FBXO4: variants seen among roughly 807,000 people sequenced by gnomAD.
FBXO4 encodes F-box protein 4.
Under a neutral mutation model 43.7 loss-of-function variants are expected in FBXO4, and 36 were observed. That is an observed-to-expected ratio of 0.82 (90% CI 0.63 to 1.09). The LOEUF (loss-of-function observed/expected upper bound fraction) is 1.09. FBXO4 is among the 50% of genes least tolerant of loss of function. FBXO4 has a pLI of 0.00. For missense variants in FBXO4, 435 were observed against 474.1 expected (o/e 0.92, Z 0.77); for synonymous variants, 180 against 165.6 (o/e 1.09, Z -0.67).
At chr5:42,005,278 C>T in the FBXO4 span, among the ~76,000 whole-genome samples, 13 of 152,216 alleles carry the variant, frequency 8.5e-5, no homozygotes, top group South Asian at 2.7e-3. Flanking sequence ...GTTCAAAGTT[C>T]AAATTATAAA....
At chr5:42,032,574 C>T in the FBXO4 span, among the ~76,000 whole-genome samples, 1 of 152,274 alleles carries the variant, frequency 6.6e-6, no homozygotes, top group Non-Finnish European at 1.5e-5. Context: ...GCTAAGGTCT[C>T]TTAAGTCAGC....
the FBXO4 span, among the ~76,000 whole-genome samples, chr5:41,953,462 T>G: frequency 1.3e-5 from 2 of 152,246 alleles, no homozygotes; most frequent in African/African-American, 4.8e-5. Context: ...AACATATGTG[T>G]GCACATGTCT....
At chr5:42,032,717 T>A in the FBXO4 span, among the ~76,000 whole-genome samples, 1 of 152,148 alleles carries the variant, frequency 6.6e-6, no homozygotes, top group Admixed American at 6.6e-5. Flanking sequence ...CACTTGGTGC[T>A]CTACCCCCCC....
At chr5:41,937,918 G>A (rs1751893577) in intron 5 of FBXO4, among the ~76,000 whole-genome samples, 2 of 152,180 alleles carry the variant, frequency 1.3e-5, no homozygotes, top group African/African-American at 2.4e-5. Flanking sequence ...ACCCCTTCCT[G>A]CAACACTCTT....
chr5:41,986,910 C>A, the FBXO4 span, among the ~76,000 whole-genome samples: 3 of 152,008 alleles, frequency 2.0e-5, no homozygotes, highest in Non-Finnish European at 4.4e-5. Context: ...TTTTTATTTT[C>A]ATTGTTGTTG....
rs574062197 is a variant in FBXO4, at chr5:41,939,723, C to G, written c.1074+107C>G. On this transcript the variant is annotated intron_variant, in intron 6 of 6. Transcript: ENST00000281623. ...CTTTAATGAAATGGCATTCTAAAGT[C>G]AATTTTAATAGCTTAATCTATGGAA... 49 of 815,888 alleles carry G rather than the reference C, an allele frequency of 6.0e-5. No individual in the cohort carries two copies. In the South Asian group the frequency reaches 9.8e-4, roughly 16 times the overall value. The allele number at this position is 815,888 out of a possible 1,614,324, so 50.5% of individuals were successfully genotyped here.
At chr5:41,965,392 T>G in the FBXO4 span, among the ~76,000 whole-genome samples, 1 of 152,212 alleles carries the variant, frequency 6.6e-6, no homozygotes, top group Non-Finnish European at 1.5e-5. Context: ...CATATGAACT[T>G]TAAAGTATTT....
At chr5:42,035,303 A>G in the FBXO4 span, among the ~76,000 whole-genome samples, 2 of 152,092 alleles carry the variant, frequency 1.3e-5, no homozygotes, top group African/African-American at 2.4e-5. Flanking sequence ...TCCTATTTGA[A>G]TACGCTTTAT....
At chr5:41,964,865 T>C in the FBXO4 span, among the ~76,000 whole-genome samples, 1 of 152,148 alleles carries the variant, frequency 6.6e-6, no homozygotes, top group Non-Finnish European at 1.5e-5. Context: ...TTTCTTTTGC[T>C]GTGCAGAAGC....
chr5:41,948,652 A>C, the FBXO4 span, among the ~76,000 whole-genome samples: 1 of 152,154 alleles, frequency 6.6e-6, no homozygotes, highest in East Asian at 1.9e-4. Context: ...TGCTTTTATC[A>C]GTCAATAATC....
the FBXO4 span, among the ~76,000 whole-genome samples, chr5:41,954,805 G>T: frequency 2.0e-5 from 3 of 152,140 alleles, no homozygotes; most frequent in Non-Finnish European, 4.4e-5. Flanking sequence ...AATTACAGTT[G>T]TTAATTAAGT....
chr5:41,979,800 G>A, the FBXO4 span, among the ~76,000 whole-genome samples: 2 of 152,154 alleles, frequency 1.3e-5, no homozygotes, highest in Admixed American at 1.3e-4. Context: ...ATAACAACAT[G>A]CTTCATCCTT....
chr5:42,002,578 T>G, the FBXO4 span, among the ~76,000 whole-genome samples: 23 of 152,298 alleles, frequency 1.5e-4, no homozygotes, highest in Admixed American at 6.5e-4. Context: ...GCTATAGCCT[T>G]TTAGATCCTG....
chr5:42,033,945 A>G, the FBXO4 span, among the ~76,000 whole-genome samples: 1 of 152,210 alleles, frequency 6.6e-6, no homozygotes, highest in Non-Finnish European at 1.5e-5. Flanking sequence ...CACTGTATTC[A>G]GCAATGGTTG....
chr5:41,987,256 A>C, the FBXO4 span, among the ~76,000 whole-genome samples: 1 of 152,186 alleles, frequency 6.6e-6, no homozygotes, highest in Non-Finnish European at 1.5e-5. Context: ...TATTAATTTC[A>C]TTGTAATATA....
At chr5:41,989,021 C>A in the FBXO4 span, among the ~76,000 whole-genome samples, 1 of 152,034 alleles carries the variant, frequency 6.6e-6, no homozygotes, top group African/African-American at 2.4e-5. Flanking sequence ...TAATGTAAGT[C>A]GAACAAATTT....
chr5:41,983,790 CAT>C, the FBXO4 span, among the ~76,000 whole-genome samples: 2 of 151,786 alleles, frequency 1.3e-5, no homozygotes, highest in Non-Finnish European at 1.5e-5. Context: ...AAAAATATGT[CAT>C]ATGTTTCTCC....
intron 3 of FBXO4, among the ~76,000 whole-genome samples, chr5:41,933,669 T>C (rs2112577908): frequency 6.6e-6 from 1 of 152,334 alleles, no homozygotes; most frequent in East Asian, 1.9e-4. Context: ...ATGCAGCTGC[T>C]ACTGATAAGA....
At chr5:42,032,057 C>CTGTGTGTGTGTG in the FBXO4 span, among the ~76,000 whole-genome samples, 45 of 139,324 alleles carry the variant, frequency 3.2e-4, no homozygotes, top group African/African-American at 1.1e-3. Context: ...GTCTTTTTTT[C>CTGTGTGTGTGTG]TGTGTGTGTG....
Sources: gnomAD v4.1 joint callset for allele counts (sites outside exome capture counted in the v4.1 genomes callset) on GRCh38, gnomAD v4.1.1 for gene constraint, MANE v1.5 for transcripts, NCBI Gene and HGNC (gene_info 2026-07-23, HGNC 2026-07-21) for gene names.